The following FBLN2 variants were observed in gnomAD, a reference collection of about 807,000 sequenced individuals.
FBLN2 encodes the protein fibulin-2.
A neutral mutation model predicts 123.7 loss-of-function variants in FBLN2; 81 were observed. That is an observed-to-expected ratio of 0.65 (90% CI 0.55 to 0.79). FBLN2 has a LOEUF of 0.79. Among genes scored for constraint, FBLN2 ranks in the 30% least tolerant of loss-of-function variants. The probability of loss-of-function intolerance (pLI) is 0.00; values close to 1 mark genes in which losing one functional copy is unlikely to be tolerated. For missense variants in FBLN2, 1,603 were observed against 1,681.3 expected, an observed-to-expected ratio of 0.95 and a Z score of 0.81; for synonymous variants, 699 against 701.4, an observed-to-expected ratio of 1.00 and a Z score of 0.05.
rs111711686 is a variant in FBLN2, at chr3:13,571,654, C to G, written c.1299C>G (p.Ser433Arg). 6.9e-6 allele frequency: 11 copies of G among 1,592,684 alleles called. No individual in the cohort carries two copies. The highest frequency in any genetic ancestry group is 4.0e-5 in the African/African-American group (3 of 74,700). The change falls in exon 2 of 18, where the codon AGC becomes AGG. Residue 433 changes from serine to arginine, a missense_variant. Physicochemically the swap from Ser to Arg is moderately radical, Grantham distance 110 (BLOSUM62 -1). Transcript: ENST00000404922. ...PNSVHSIPRS[S>R]PEGSTKDLIE... Reference sequence around the variant, plus strand: ...CTGTCCATTCTATCCCCAGAAGTAGCCCTGAAGGTAAGACCCTGTCCTGGT... The same window carrying G: ...CTGTCCATTCTATCCCCAGAAGTAGGCCTGAAGGTAAGACCCTGTCCTGGT...
At chr3:13,604,350 G>A (rs1705136174) in intron 2 of FBLN2, among the ~76,000 whole-genome samples, 1 of 152,006 alleles carries the variant, frequency 6.6e-6, no homozygotes, top group South Asian at 2.1e-4. Flanking sequence ...TTTCTTCTAG[G>A]GTTTTTATGG....
intron 2 of FBLN2, among the ~76,000 whole-genome samples, chr3:13,572,370 T>G (rs1242761780): frequency 6.6e-6 from 1 of 152,178 alleles, no homozygotes; most frequent in Non-Finnish European, 1.5e-5. Context: ...CAGCACCGAG[T>G]GCTTACTACT....
rs1703541768 is a variant in FBLN2, at chr3:13,559,136, T to C, written c.-42+9928T>C. ...AGGACTTCAGCCAGGGGTCTGTGAG[T>C]GGACTGCAGGGAGTCTATGAAACTC... On this transcript the variant is annotated intron_variant, in intron 1 of 17. Coordinates refer to ENST00000404922, the MANE Select transcript of FBLN2 (RefSeq NM_001004019.2). 2.0e-5 allele frequency among the ~76,000 whole-genome samples: 3 copies of C among 152,218 alleles called. No individual in the cohort carries two copies. The South Asian group carries it at 6.2e-4, about 32-fold the overall frequency.
chr3:13,600,771 A>G (rs1370883921), intron 2 of FBLN2, among the ~76,000 whole-genome samples: 1 of 152,054 alleles, frequency 6.6e-6, no homozygotes, highest in Admixed American at 6.6e-5. Flanking sequence ...GCCCACCACC[A>G]TGCCCAGCTA....
intron 2 of FBLN2, among the ~76,000 whole-genome samples, chr3:13,571,931 A>C (rs1197550329): frequency 6.6e-6 from 1 of 152,110 alleles, no homozygotes; most frequent in African/African-American, 2.4e-5. Context: ...GTAGTGGTCA[A>C]GGGTCCAGAA....
intron 9 of FBLN2, among the ~76,000 whole-genome samples, chr3:13,625,142 G>T (rs1302876084): frequency 6.6e-6 from 1 of 150,520 alleles, no homozygotes; most frequent in Non-Finnish European, 1.5e-5. Flanking sequence ...GGTGGTTTCT[G>T]AGTTGGTGGC....
intron 2 of FBLN2, among the ~76,000 whole-genome samples, chr3:13,581,861 A>G (rs999405622): frequency 3.3e-5 from 5 of 152,076 alleles, no homozygotes; most frequent in Admixed American, 1.3e-4. Flanking sequence ...AGGGCGAGGA[A>G]GTGTTGAGCC....
chr3:13,583,121 CCTGGCTGCAAGG>C (rs1433249362), intron 2 of FBLN2, among the ~76,000 whole-genome samples: 1 of 152,272 alleles, frequency 6.6e-6, no homozygotes, highest in Non-Finnish European at 1.5e-5. Flanking sequence ...AGCCATACTG[CCTGGCTGCAAGG>C]CTGGCTTCCC....
intron 2 of FBLN2, among the ~76,000 whole-genome samples, chr3:13,591,645 C>T (rs1018805526): frequency 2.9e-4 from 44 of 152,032 alleles, no homozygotes; most frequent in Non-Finnish European, 5.1e-4. Context: ...ATTACCACTC[C>T]GTCTTGATTA....
Position 13,577,397 on chromosome 3 carries a change from C to T in FBLN2, c.1306+5736C>T, listed in dbSNP as rs975136378. ...GGCAGGAAGGTGCCTGGACAGGAGG[C>T]CAGTGGAGCCGAGATAAGTGGGGGA... is the stretch of plus-strand genomic sequence containing the variant. On this transcript the variant is annotated intron_variant, in intron 2 of 17. Transcript: ENST00000404922. 2.0e-5 allele frequency among the ~76,000 whole-genome samples: 3 copies of T among 151,862 alleles called. No homozygotes were observed. In the East Asian group the frequency reaches 5.8e-4, roughly 29 times the overall value.
chr3:13,569,997 A>G (rs1310943658), intron 1 of FBLN2, among the ~76,000 whole-genome samples: 2 of 151,944 alleles, frequency 1.3e-5, no homozygotes, highest in Non-Finnish European at 2.9e-5. Context: ...TGTGGGCACG[A>G]GGGCTCACTC....
chr3:13,596,051 C>A (rs3864039), intron 2 of FBLN2, among the ~76,000 whole-genome samples: 1 of 152,270 alleles, frequency 6.6e-6, no homozygotes, highest in South Asian at 2.1e-4. Context: ...TTAAAAAATT[C>A]TTCATAGTAC....
intron 2 of FBLN2, among the ~76,000 whole-genome samples, chr3:13,573,916 A>AG (rs1172122540): frequency 3.4e-5 from 5 of 145,092 alleles, no homozygotes; most frequent in African/African-American, 1.3e-4. Context: ...AAAAAAAAAA[A>AG]GGGAACCACT....
intron 10 of FBLN2, 122 bp downstream of exon 10, chr3:13,626,701 A>C (rs964935225): frequency 2.1e-6 from 2 of 946,604 alleles, no homozygotes; most frequent in East Asian, 2.9e-5. Context: ...GCCCCTCTCC[A>C]TCCCCTCCTT....
intron 1 of FBLN2, among the ~76,000 whole-genome samples, chr3:13,551,038 C>T (rs868612977): frequency 2.6e-5 from 4 of 152,342 alleles, no homozygotes; most frequent in Middle Eastern, 3.4e-3. Context: ...ACCCCCAACC[C>T]AGGGGATGGG....
Position 13,638,163 on chromosome 3 carries a change from C to G in FBLN2, c.*244C>G, listed in dbSNP as rs763421016. 13 of 644,604 alleles carry G rather than the reference C, an allele frequency of 2.0e-5. No individual in the cohort carries two copies. The highest frequency in any genetic ancestry group is 3.3e-5 in the Non-Finnish European group (12 of 360,440). The allele number at this position is 644,604 out of a possible 1,614,324, so 39.9% of individuals were successfully genotyped here. On this transcript the variant is annotated 3_prime_UTR_variant, in exon 18 of 18. Coordinates refer to ENST00000404922, the MANE Select transcript of FBLN2 (RefSeq NM_001004019.2). Reference sequence around the variant, plus strand: ...GTGGGCCACGGCCGTGGCGGGTGCCCTGTGGGTGAGGCTGGGTGATGACCT... The same window carrying G: ...GTGGGCCACGGCCGTGGCGGGTGCCGTGTGGGTGAGGCTGGGTGATGACCT...
rs372510240 is a variant in FBLN2, at chr3:13,570,475, G to A, written c.120G>A (p.Pro40=). The A allele has an allele frequency of 1.2e-4, 196 of 1,579,946 alleles. No homozygotes were observed. The highest frequency in any genetic ancestry group is 1.1e-3 in the African/African-American group (83 of 74,414). Residue 40 remains proline (P), a synonymous_variant, in exon 2 of 18, where the codon CCG becomes CCA. Transcript: ENST00000404922. ...RQDCTGVECP[P]LENCIEEALE... ...ACTGCACGGGCGTGGAGTGCCCGCCGCTGGAGAACTGCATTGAGGAGGCGC... is the reference window on the plus strand; with the variant it reads ...ACTGCACGGGCGTGGAGTGCCCGCCACTGGAGAACTGCATTGAGGAGGCGC...
At chr3:13,636,913 G>T (rs188273221) in intron 17 of FBLN2, among the ~76,000 whole-genome samples, 7 of 152,346 alleles carry the variant, frequency 4.6e-5, no homozygotes, top group African/African-American at 1.7e-4. Context: ...TAGGAGCCTG[G>T]GAGTGGTGTA....
intron 5 of FBLN2, among the ~76,000 whole-genome samples, chr3:13,615,704 G>A (rs1023459873): frequency 1.3e-5 from 2 of 152,214 alleles, no homozygotes; most frequent in Admixed American, 6.5e-5. Flanking sequence ...TACCGTTGCC[G>A]TGCTTCAGCA....
Sources: allele counts gnomAD v4.1 joint callset (sites outside exome capture counted in the v4.1 genomes callset), GRCh38; gene constraint gnomAD v4.1.1; transcripts MANE v1.5; gene names NCBI Gene and HGNC (gene_info 2026-07-23, HGNC 2026-07-21).